RNF144B: variants seen among roughly 807,000 people sequenced by gnomAD.
RNF144B encodes E3 ubiquitin-protein ligase RNF144B.
RNF144B carries 25 observed loss-of-function variants against 40.2 expected under a neutral mutation model. The observed-to-expected ratio is 0.62, with a 90% CI of 0.45 to 0.87. The LOEUF (loss-of-function observed/expected upper bound fraction) is 0.87, where lower values mean the gene tolerates loss of function less well. Ranked by LOEUF, RNF144B falls within the 40% of genes least tolerant of loss-of-function variation. The probability of loss-of-function intolerance (pLI) is 0.00; values close to 1 mark genes in which losing one functional copy is unlikely to be tolerated. For missense variants in RNF144B, 365 were observed against 373.7 expected (o/e 0.98, Z 0.19); for synonymous variants, 145 against 136.3 (o/e 1.06, Z -0.44).
intron 2 of RNF144B, among the ~76,000 whole-genome samples, chr6:18,427,176 A>C (rs1475282914): frequency 6.6e-6 from 1 of 152,216 alleles, no homozygotes; most frequent in Non-Finnish European, 1.5e-5. Context: ...GCTCAGTGCA[A>C]GGGTCACAGC....
In RNF144B at chr6:18,418,484, T is replaced by A. The variant is rs1680598813; in HGVS notation, c.166-9097T>A. ...CATTGACAAAGGACCATATATTGTA[T>A]CATTCCATTTATATGAAATGTAGAG... On this transcript the variant is annotated intron_variant, in intron 2 of 7. Transcript: ENST00000259939. The surrounding 1 kb of genome is among the most constrained non-coding windows in gnomAD (Gnocchi z 5.2). Among the ~76,000 whole-genome samples the A allele has an allele frequency of 6.6e-6, 1 of 152,194 alleles. No homozygotes were observed. Among genetic ancestry groups the A allele is most frequent in the Non-Finnish European group, 1.5e-5 (1 of 68,030 alleles).
intron 4 of RNF144B, among the ~76,000 whole-genome samples, chr6:18,452,004 A>G (rs12205937): frequency 6.6e-6 from 1 of 152,142 alleles, no homozygotes. Context: ...AAATCATAAC[A>G]TACTTTCAAC....
Position 18,399,613 on chromosome 6 carries a change from C to A in RNF144B, c.79C>A (p.Leu27Ile), listed in dbSNP as rs1242319204. 1 of 1,614,190 alleles carries A rather than the reference C, an allele frequency of 6.2e-7. No homozygotes were observed. The highest frequency in any genetic ancestry group is 8.5e-7 in the Non-Finnish European group (1 of 1,180,036). ...PTPGDLAPAP[L>I]ITCKLCLCEQ... is the part of the protein sequence containing the mutation. ...TCCTGGAGACCTGGCTCCGGCCCCC[C>A]TCATCACTTGCAAACTCTGCCTGTG... Residue 27 changes from leucine to isoleucine, a missense_variant, in exon 2 of 8, where the codon CTC becomes ATC. Physicochemically the swap from Leu to Ile is conservative, Grantham distance 5. Transcript: ENST00000259939.
At position 18,468,356 on chromosome 6, in the gene RNF144B, TG is replaced by T. The variant is rs1759617478; in HGVS notation, c.*3290del. On this transcript the variant is annotated 3_prime_UTR_variant, in exon 8 of 8. Coordinates refer to ENST00000259939, the MANE Select transcript of RNF144B (RefSeq NM_182757.4). The stretch of plus-strand genomic sequence containing the variant: ...GAATCTTAGGCATCCTATTTGTTCA[TG>T]CCATGGGTATTTGCTTTGGACTTGG... The T allele has an allele frequency of 6.6e-6, 1 of 152,228 alleles. No individual in the cohort carries two copies. The highest frequency in any genetic ancestry group is 6.5e-5 in the Admixed American group (1 of 15,284). The allele number at this position is 152,228 out of a possible 1,614,324, so 9.4% of individuals were successfully genotyped here. A position where few individuals can be genotyped will look rare whatever the true frequency, so the allele number is the denominator to read the frequency against.
intron 6 of RNF144B, among the ~76,000 whole-genome samples, chr6:18,462,749 C>T (rs1289920155): frequency 2.0e-5 from 3 of 151,540 alleles, no homozygotes; most frequent in South Asian, 2.1e-4. Context: ...TCAAGTTCAA[C>T]GTGTCCAAAC....
At chr6:18,439,203 A>C (rs371894572) in intron 3 of RNF144B, among the ~76,000 whole-genome samples, 1 of 152,142 alleles carries the variant, frequency 6.6e-6, no homozygotes, top group Admixed American at 6.5e-5. Context: ...CATGATTTTT[A>C]TATTGTTTAA....
chr6:18,440,724 G>GTTT (rs1554181265), intron 4 of RNF144B, among the ~76,000 whole-genome samples: 1 of 916 alleles, frequency 1.1e-3, no homozygotes, highest in Non-Finnish European at 0.033. Context: ...GGATACATAG[G>GTTT]TTAATAGCAA....
At chr6:18,439,654 A>C in intron 3 of RNF144B, 30 bp from the exon 4 acceptor site, 1 of 1,549,130 alleles carries the variant, frequency 6.5e-7, no homozygotes, top group South Asian at 1.1e-5. Context: ...TGATGACTGA[A>C]GTCTCAACCT....
chr6:18,439,776 A>T (rs1244987332), intron 4 of RNF144B, 32 bp downstream of exon 4: 6 of 1,467,768 alleles, frequency 4.1e-6, no homozygotes, highest in Non-Finnish European at 5.7e-6. Flanking sequence ...CTGATGATGA[A>T]TGTGGTTTTA....
In RNF144B at chr6:18,448,252, G is replaced by T. The variant is rs565221510; in HGVS notation, c.331+8508G>T. On this transcript the variant is annotated intron_variant, in intron 4 of 7. Transcript: ENST00000259939. This position sits in a 1 kb window ranked among gnomAD's most constrained non-coding sequence, Gnocchi z 4.0. ...AATTGCAGAAGCCAAATCCTTGAGA[G>T]TGTGAGGGGAACGGATTTCAGTGCC... is the stretch of plus-strand genomic sequence containing the variant. Among the ~76,000 whole-genome samples the T allele has an allele frequency of 2.6e-5, 4 of 152,238 alleles. No homozygotes were observed. The highest frequency in any genetic ancestry group is 4.8e-5 in the African/African-American group (2 of 41,540).
intron 3 of RNF144B, among the ~76,000 whole-genome samples, chr6:18,431,014 G>A (rs1440864431): frequency 6.6e-6 from 1 of 152,036 alleles, no homozygotes; most frequent in Non-Finnish European, 1.5e-5. Flanking sequence ...AGGCTGAGGT[G>A]GGCGGATCAT....
intron 2 of RNF144B, among the ~76,000 whole-genome samples, chr6:18,404,589 T>C (rs1366353764): frequency 1.3e-5 from 2 of 152,242 alleles, no homozygotes; most frequent in African/African-American, 2.4e-5. Context: ...ACCTCACTGC[T>C]ATTCTGAGAT....
In RNF144B at chr6:18,464,992, C is replaced by T. The variant is rs1759545891; in HGVS notation, c.837C>T (p.Ala279=). The T allele has an allele frequency of 1.5e-5, 24 of 1,613,852 alleles. No individual in the cohort carries two copies. The highest frequency in any genetic ancestry group is 2.0e-5 in the Non-Finnish European group (24 of 1,179,866). The part of the protein sequence containing the change: ...ALVTSPLLLL[A]SPCIICCVCK... ...TTACTTCACCCTTGTTACTCCTGGC[C>T]TCCCCATGTATAATCTGTTGTGTCT... Residue 279 remains alanine, a synonymous_variant, in exon 8 of 8, where the codon GCC becomes GCT. Coordinates refer to ENST00000259939, the MANE Select transcript of RNF144B (RefSeq NM_182757.4). The surrounding 1 kb of genome is among the most constrained non-coding windows in gnomAD (Gnocchi z 6.1).
At chr6:18,389,021 CCAAA>C (rs1345380930) in intron 1 of RNF144B, among the ~76,000 whole-genome samples, 4 of 152,030 alleles carry the variant, frequency 2.6e-5, no homozygotes, top group Non-Finnish European at 5.9e-5. Context: ...CCCCAAAACC[CCAAA>C]CAATCACCCT....
intron 4 of RNF144B, among the ~76,000 whole-genome samples, chr6:18,453,286 C>G (rs2113530489): frequency 6.6e-6 from 1 of 151,440 alleles, no homozygotes. Flanking sequence ...TCACAGGCGC[C>G]CACCACCACA....
At position 18,387,544 on chromosome 6, in the gene RNF144B, C is replaced by G. The variant is rs376302831; in HGVS notation, c.-123C>G. 1 of 1,303,490 alleles carries G rather than the reference C, an allele frequency of 7.7e-7. No homozygotes were observed. The allele number at this position is 1,303,490 out of a possible 1,614,324, so 80.7% of individuals were successfully genotyped here. On this transcript the variant is annotated 5_prime_UTR_variant, in exon 1 of 8. Coordinates refer to ENST00000259939, the MANE Select transcript of RNF144B (RefSeq NM_182757.4). Reference sequence around the variant, plus strand: ...ACGGAGAGAATGGAAGAGCTCCTGTCCGGTGTGCCAGCAGCCCGGACTGGC... The same window carrying G: ...ACGGAGAGAATGGAAGAGCTCCTGTGCGGTGTGCCAGCAGCCCGGACTGGC...
At chr6:18,449,549 A>G (rs1167386658) in intron 4 of RNF144B, among the ~76,000 whole-genome samples, 2 of 152,118 alleles carry the variant, frequency 1.3e-5, no homozygotes, top group African/African-American at 4.8e-5. Context: ...AGTTTGCTTT[A>G]CCCTTAATAT....
At chr6:18,463,485 C>G (rs536360269) in intron 7 of RNF144B, 105 bp downstream of exon 7, 1 of 722,032 alleles carries the variant, frequency 1.4e-6, no homozygotes, top group East Asian at 2.6e-5. Context: ...GGTACCATCC[C>G]AGCCTGGGAG....
At position 18,457,258 on chromosome 6, in the gene RNF144B, C is replaced by T. The variant is rs759031080; in HGVS notation, c.435C>T (p.Cys145=). The T allele has an allele frequency of 6.2e-7, 1 of 1,613,988 alleles. No homozygotes were observed. The highest frequency in any genetic ancestry group is 2.2e-5 in the East Asian group (1 of 44,872). ...CAGGACAGCCTGTGCTGGTGGAATG[C>T]CCTTCTTGCCACCTGAAATTCTGCT... is the stretch of plus-strand genomic sequence containing the variant. ...SDPGQPVLVE[C]PSCHLKFCSC... Residue 145 remains cysteine (C), a synonymous_variant, in exon 5 of 8, where the codon TGC becomes TGT. Transcript: ENST00000259939. This position sits in a 1 kb window ranked among gnomAD's most constrained non-coding sequence, Gnocchi z 5.1.
Sources: allele counts gnomAD v4.1 joint callset (sites outside exome capture counted in the v4.1 genomes callset), GRCh38; gene constraint gnomAD v4.1.1; non-coding constraint Gnocchi (gnomAD v3.1); transcripts MANE v1.5; gene names NCBI Gene and HGNC (gene_info 2026-07-23, HGNC 2026-07-21).